CHSY3: variants seen among roughly 807,000 people sequenced by gnomAD.
The protein encoded by CHSY3 is chondroitin sulfate synthase 3, also known as N-acetylgalactosaminyl-proteoglycan 3-beta-glucuronosyltransferase 3.
CHSY3 carries 35 observed loss-of-function variants against 67.2 expected under a neutral mutation model. That is an observed-to-expected ratio of 0.52 (90% CI 0.40 to 0.69). The LOEUF is 0.69. CHSY3 is among the 30% of genes least tolerant of loss of function. The pLI is 0.00. For synonymous variants in CHSY3, 474 were observed against 434.7 expected (o/e 1.09, Z -1.12); for missense variants, 1,069 against 1,138.5 (o/e 0.94, Z 0.88).
At chr5:129,991,509 G>T (rs962643840) in intron 2 of CHSY3, among the ~76,000 whole-genome samples, 4 of 152,116 alleles carry the variant, frequency 2.6e-5, no homozygotes, top group African/African-American at 9.7e-5. Context: ...ATATATTTAA[G>T]AGTTTGTTCC....
At chr5:130,124,039 C>CA (rs11297427) in intron 2 of CHSY3, among the ~76,000 whole-genome samples, 2,197 of 58,140 alleles carry the variant, frequency 0.038, 135 homozygotes, top group African/African-American at 0.092. Flanking sequence ...GACTCCATCT[C>CA]AAAAAAAAAA....
chr5:130,066,052 A>T (rs1430887522), intron 2 of CHSY3, among the ~76,000 whole-genome samples: 1 of 152,076 alleles, frequency 6.6e-6, no homozygotes, highest in Non-Finnish European at 1.5e-5. Flanking sequence ...CTGAGACTAC[A>T]TCAACACAAA....
At chr5:129,973,549 A>G (rs1299360238) in intron 2 of CHSY3, among the ~76,000 whole-genome samples, 2 of 152,148 alleles carry the variant, frequency 1.3e-5, no homozygotes, top group African/African-American at 4.8e-5. Context: ...AAATGATTAT[A>G]TACATATTTT....
intron 2 of CHSY3, among the ~76,000 whole-genome samples, chr5:130,131,154 T>C (rs1257988408): frequency 1.3e-5 from 2 of 152,216 alleles, no homozygotes; most frequent in African/African-American, 4.8e-5. Flanking sequence ...CCAATTTTGT[T>C]TCTTCAGAGT....
chr5:130,087,212 G>A (rs1169110968), intron 2 of CHSY3, among the ~76,000 whole-genome samples: 1 of 151,774 alleles, frequency 6.6e-6, no homozygotes, highest in African/African-American at 2.4e-5. Flanking sequence ...TTGATGGGAT[G>A]TATCTCAAAA....
chr5:129,967,743 C>CT, intron 2 of CHSY3, among the ~76,000 whole-genome samples: 1 of 151,896 alleles, frequency 6.6e-6, no homozygotes, highest in African/African-American at 2.4e-5. Flanking sequence ...GCAAACTATG[C>CT]TTAAACCTGA....
Position 130,185,758 on chromosome 5 carries a change from T to C in CHSY3, c.2616T>C (p.His872=), listed in dbSNP as rs780105499. 2.2e-5 allele frequency: 35 copies of C among 1,608,588 alleles called. 1 individual carries two copies. In the Admixed American group the frequency reaches 5.9e-4, roughly 27 times the overall value. ...MQLAELWLEK[H]LGVRYNRTLS Reference sequence around the variant, plus strand: ...TGGCTGAACTCTGGCTTGAAAAACATTTAGGTGTCAGGTACAATCGAACTC... The same window carrying C: ...TGGCTGAACTCTGGCTTGAAAAACACTTAGGTGTCAGGTACAATCGAACTC... The change falls in exon 3 of 3, where the codon CAT becomes CAC. Residue 872 remains histidine (H), a synonymous_variant. Coordinates refer to ENST00000305031, the MANE Select transcript of CHSY3 (RefSeq NM_175856.5).
intron 2 of CHSY3, among the ~76,000 whole-genome samples, chr5:129,920,524 G>A (rs1368490511): frequency 2.0e-5 from 3 of 152,172 alleles, no homozygotes; most frequent in African/African-American, 7.2e-5. Flanking sequence ...GATTACAGGT[G>A]TGAGCTACCA....
At chr5:130,123,009 T>C (rs1348248153) in intron 2 of CHSY3, among the ~76,000 whole-genome samples, 1 of 152,114 alleles carries the variant, frequency 6.6e-6, no homozygotes, top group Non-Finnish European at 1.5e-5. Context: ...AAACAAATAT[T>C]TTAGAATTCA....
At position 129,905,221 on chromosome 5, in the gene CHSY3, AGGG is replaced by A; in HGVS notation, c.395_397del (p.Gly132del). The A allele has an allele frequency of 6.7e-7, 1 of 1,502,748 alleles. No homozygotes were observed. Among genetic ancestry groups the A allele is most frequent in the Admixed American group, 2.1e-5 (1 of 47,828 alleles). 93.1% of individuals were successfully genotyped at this position (1,502,748 alleles called of 1,614,324 possible). The stretch of plus-strand genomic sequence containing the variant: ...GGGCTTCCCGGTGCTCCAGCGGCCG[AGGG>A]GGAGCCCGAGGAGGAGGACGGGGGC... On this transcript the variant is annotated inframe_deletion, in exon 1 of 3. Coordinates refer to ENST00000305031, the MANE Select transcript of CHSY3 (RefSeq NM_175856.5).
chr5:130,092,280 A>G (rs970080894), intron 2 of CHSY3, among the ~76,000 whole-genome samples: 1 of 152,160 alleles, frequency 6.6e-6, no homozygotes, highest in Non-Finnish European at 1.5e-5. Flanking sequence ...ACACTGTGGA[A>G]AAGGGTTTAG....
chr5:130,031,090 G>A (rs1764692824), intron 2 of CHSY3, among the ~76,000 whole-genome samples: 1 of 151,702 alleles, frequency 6.6e-6, no homozygotes, highest in Non-Finnish European at 1.5e-5. Flanking sequence ...GGCTCATTCC[G>A]AGTGGTATGA....
intron 2 of CHSY3, among the ~76,000 whole-genome samples, chr5:130,016,343 A>G (rs528151763): frequency 1.2e-4 from 19 of 152,364 alleles, no homozygotes; most frequent in Admixed American, 8.5e-4. Flanking sequence ...ATAAAGTAAT[A>G]TAACAGGGCT....
chr5:130,057,167 AC>A (rs1765561978), intron 2 of CHSY3, among the ~76,000 whole-genome samples: 1 of 151,396 alleles, frequency 6.6e-6, no homozygotes, highest in African/African-American at 2.4e-5. Context: ...CTTGTGATCC[AC>A]CCACCTCAGC....
chr5:130,164,918 A>G (rs1046536891), intron 2 of CHSY3, among the ~76,000 whole-genome samples: 4 of 152,160 alleles, frequency 2.6e-5, no homozygotes, highest in African/African-American at 9.7e-5. Flanking sequence ...AAATAGGAAA[A>G]GAAATGGTAT....
At chr5:129,974,125 C>T (rs180672177) in intron 2 of CHSY3, among the ~76,000 whole-genome samples, 27 of 152,210 alleles carry the variant, frequency 1.8e-4, no homozygotes, top group Admixed American at 7.2e-4. Context: ...TATTTTGGGG[C>T]AAATGAGATT....
chr5:130,110,885 G>A (rs932682291), intron 2 of CHSY3, among the ~76,000 whole-genome samples: 2 of 151,382 alleles, frequency 1.3e-5, no homozygotes, highest in Non-Finnish European at 2.9e-5. Flanking sequence ...ACAGTCTTTT[G>A]CTTTTGTTAG....
chr5:130,149,310 G>A (rs1032120577), intron 2 of CHSY3, among the ~76,000 whole-genome samples: 6 of 152,198 alleles, frequency 3.9e-5, no homozygotes, highest in Admixed American at 2.0e-4. Context: ...ATTGGCTCAT[G>A]GTTCTGCAGG....
At position 129,942,808 on chromosome 5, in the gene CHSY3, T is replaced by C. The variant is rs965637041; in HGVS notation, c.1086+34448T>C. ...TTGGTCATGGATTTGGCAGATAGAA[T>C]TTACATTTAATGTTTTCTTCACTTA... On this transcript the variant is annotated intron_variant, in intron 2 of 2. Transcript: ENST00000305031. 4.6e-5 allele frequency among the ~76,000 whole-genome samples: 7 copies of C among 152,278 alleles called. 1 individual carries two copies. The highest frequency in any genetic ancestry group is 6.8e-3 in the Middle Eastern group (2 of 294).
Sources: allele counts gnomAD v4.1 joint callset (sites outside exome capture counted in the v4.1 genomes callset), GRCh38; gene constraint gnomAD v4.1.1; transcripts MANE v1.5; gene names NCBI Gene and HGNC (gene_info 2026-07-23, HGNC 2026-07-21).